ZBED6: variants seen among roughly 807,000 people sequenced by gnomAD.
ZBED6 encodes zinc finger BED-type containing 6.
ZBED6 carries 40 observed loss-of-function variants against 58.4 expected under a neutral mutation model. That is an observed-to-expected ratio of 0.68 (90% CI 0.53 to 0.89). The LOEUF (loss-of-function observed/expected upper bound fraction) is 0.89. Among genes scored for constraint, ZBED6 ranks in the 40% least tolerant of loss-of-function variants. ZBED6 has a pLI of 0.00. For missense variants in ZBED6, 1,057 were observed against 1,003.9 expected (o/e 1.05, Z -0.71); for synonymous variants, 439 against 350.6 (o/e 1.25, Z -2.82).
intron 7 of ZBED6, 99 bp downstream of exon 7, chr1:203,830,302 C>A: frequency 1.1e-6 from 1 of 901,596 alleles, no homozygotes; most frequent in Non-Finnish European, 1.7e-6. Flanking sequence ...AATAGATTTT[C>A]ATTTCCATGG....
chr1:203,800,645 C>T (rs1366880660), exon 1 of ZBED6: 1 of 516,028 alleles, frequency 1.9e-6, no homozygotes, highest in East Asian at 3.4e-5. Flanking sequence ...GATTTCATAG[C>T]TATAACTGTG....
exon 5 of ZBED6, chr1:203,829,485 G>C (rs1039576407): frequency 6.2e-7 from 1 of 1,614,002 alleles, no homozygotes; most frequent in Non-Finnish European, 8.5e-7. Flanking sequence ...CACCAGAAGA[G>C]GAAGTGAAGG....
chr1:203,803,627 A>G (rs1485129194), intron 1 of ZBED6, among the ~76,000 whole-genome samples: 1 of 152,186 alleles, frequency 6.6e-6, no homozygotes, highest in Admixed American at 6.5e-5. Flanking sequence ...GTTTTGAAAC[A>G]GGGTCTTGTG....
intron 4 of ZBED6, 52 bp downstream of exon 4, chr1:203,828,474 A>G (rs1378508550): frequency 6.4e-7 from 1 of 1,551,612 alleles, no homozygotes; most frequent in Non-Finnish European, 8.7e-7. Context: ...CCTATTATGC[A>G]CACTGTACAA....
chr1:203,817,225 T>G, intron 2 of ZBED6, 101 bp downstream of exon 2: 2 of 955,898 alleles, frequency 2.1e-6, no homozygotes, highest in Non-Finnish European at 2.9e-6. Context: ...ATATATATAT[T>G]TTTTGCCCAA....
At chr1:203,829,683 G>A (rs974229100) in intron 5 of ZBED6, 29 bp downstream of exon 5, 1 of 1,613,772 alleles carries the variant, frequency 6.2e-7, no homozygotes, top group African/African-American at 1.3e-5. Flanking sequence ...CTTCTTTAAG[G>A]CAAATAAATA....
chr1:203,848,441 G>A, intron 13 of ZBED6, 34 bp downstream of exon 13: 1 of 1,508,954 alleles, frequency 6.6e-7, no homozygotes. Context: ...TTTTGTTCAT[G>A]GCAAACAAAG....
chr1:203,839,411 T>C (rs1039231014), intron 10 of ZBED6, among the ~76,000 whole-genome samples: 2 of 152,226 alleles, frequency 1.3e-5, no homozygotes, highest in Admixed American at 1.3e-4. Context: ...TTTCTGCTTG[T>C]ATGACTTGCA....
At chr1:203,842,406 G>T (rs550268237) in intron 11 of ZBED6, among the ~76,000 whole-genome samples, 112 of 152,244 alleles carry the variant, frequency 7.4e-4, no homozygotes, top group Middle Eastern at 3.4e-3. Context: ...AGACCAGCCC[G>T]GCCAACACGG....
intron 2 of ZBED6, among the ~76,000 whole-genome samples, 189 bp downstream of exon 2, chr1:203,817,313 A>G (rs1166597117): frequency 6.6e-6 from 1 of 152,124 alleles, no homozygotes; most frequent in Non-Finnish European, 1.5e-5. Context: ...CATTTTATAT[A>G]TAACTAATTT....
At chr1:203,798,598 C>G (rs775199780) in exon 1 of ZBED6, 2 of 1,536,148 alleles carry the variant, frequency 1.3e-6, no homozygotes, top group East Asian at 2.4e-5. Context: ...CAAGATTTAA[C>G]AGCTGAGGAC....
At chr1:203,834,494 A>G (rs904189530) in intron 9 of ZBED6, among the ~76,000 whole-genome samples, 2 of 151,908 alleles carry the variant, frequency 1.3e-5, no homozygotes, top group Admixed American at 1.3e-4. Flanking sequence ...CTGGTCTCCA[A>G]CTCCTGGGCT....
chr1:203,815,120 G>A (rs1261559615), intron 1 of ZBED6: 2 of 151,516 alleles, frequency 1.3e-5, no homozygotes, highest in Non-Finnish European at 2.9e-5. Context: ...ATGAGCCACC[G>A]TGCCTGGCCA....
At chr1:203,829,945 T>C in intron 6 of ZBED6, 49 bp downstream of exon 6, 1 of 1,538,016 alleles carries the variant, frequency 6.5e-7, no homozygotes, top group Non-Finnish European at 9.0e-7. Flanking sequence ...TGAAACTACC[T>C]TTGAAATTTA....
At chr1:203,833,852 A>G (rs1025638225) in exon 9 of ZBED6, 9 of 1,609,888 alleles carry the variant, frequency 5.6e-6, no homozygotes, top group Non-Finnish European at 7.6e-6. Context: ...AATTTTCAGC[A>G]GGTAAGATAA....
chr1:203,824,612 G>A (rs983336985), intron 3 of ZBED6, among the ~76,000 whole-genome samples: 2 of 151,918 alleles, frequency 1.3e-5, no homozygotes, highest in African/African-American at 2.4e-5. Context: ...CAGGTGAGGC[G>A]GAACAGAGCT....
At chr1:203,799,861 A>G in exon 1 of ZBED6, 1 of 1,534,262 alleles carries the variant, frequency 6.5e-7, no homozygotes, top group Non-Finnish European at 8.7e-7. Flanking sequence ...AGTTTGGAAG[A>G]CTTTTTTCCT....
exon 1 of ZBED6, chr1:203,797,494 C>T (rs1197953731): frequency 2.1e-6 from 3 of 1,460,874 alleles, no homozygotes; most frequent in African/African-American, 2.8e-5. Context: ...CTAACAGATT[C>T]TGGTACGAAT....
exon 1 of ZBED6, chr1:203,800,558 A>C: frequency 4.4e-6 from 5 of 1,139,826 alleles, no homozygotes; most frequent in Non-Finnish European, 5.8e-6. Context: ...TTATAAACAC[A>C]TCTGGGGAAA....
Sources: allele counts gnomAD v4.1 joint callset (sites outside exome capture counted in the v4.1 genomes callset), GRCh38; gene constraint gnomAD v4.1.1; transcripts MANE v1.5; gene names NCBI Gene and HGNC (gene_info 2026-07-23, HGNC 2026-07-21).